Variants in EHBP1 observed in about 807,000 individuals in gnomAD.
EHBP1 encodes EH domain binding protein 1.
In EHBP1, 55 loss-of-function variants were observed where a neutral mutation model predicts 144.0. The ratio of observed to expected loss-of-function variants is 0.38; its 90% confidence interval spans 0.31 to 0.48. The LOEUF (loss-of-function observed/expected upper bound fraction) is 0.48, where lower values mean the gene tolerates loss of function less well. Ranked by LOEUF, EHBP1 falls within the 20% of genes least tolerant of loss-of-function variation. The pLI, the probability that EHBP1 is intolerant of heterozygous loss-of-function variation, is 0.98. For missense variants in EHBP1, 1,200 were observed against 1,364.2 expected (o/e 0.88, Z 1.90); for synonymous variants, 469 against 472.7 (o/e 0.99, Z 0.10).
At chr2:62,729,280 GATTTTGCACATATAAT>G (rs2037152200) in intron 2 of EHBP1, among the ~76,000 whole-genome samples, 1 of 130,892 alleles carries the variant, frequency 7.6e-6, no homozygotes, top group Admixed American at 9.0e-5. Context: ...TGGTCATTTA[GATTTTGCACATATAAT>G]ATTTTATAAT....
chr2:62,801,053 T>C (rs1482679945), intron 5 of EHBP1, among the ~76,000 whole-genome samples: 1 of 152,228 alleles, frequency 6.6e-6, no homozygotes, highest in African/African-American at 2.4e-5. Flanking sequence ...TATATCCTGT[T>C]TATTCAAAGG....
intron 14 of EHBP1, among the ~76,000 whole-genome samples, chr2:62,965,188 GC>G (rs1382536972): frequency 2.6e-5 from 4 of 152,072 alleles, no homozygotes; most frequent in Admixed American, 2.6e-4. Flanking sequence ...GCAAAAATGA[GC>G]CCTTTGAAAC....
At chr2:62,772,895 T>C (rs2041776874) in intron 5 of EHBP1, among the ~76,000 whole-genome samples, 1 of 152,212 alleles carries the variant, frequency 6.6e-6, no homozygotes, top group Non-Finnish European at 1.5e-5. Context: ...TGTTTAGGAC[T>C]AAAGAGCTGA....
chr2:63,021,833 A>C (rs2710644), intron 19 of EHBP1, among the ~76,000 whole-genome samples: 111,025 of 151,584 alleles, frequency 0.73, 41,350 homozygotes, highest in African/African-American at 0.88. Flanking sequence ...GTGGCTCGAT[A>C]TCTGCTCACT....
intron 11 of EHBP1, among the ~76,000 whole-genome samples, chr2:62,943,552 T>C (rs2056898064): frequency 6.6e-6 from 1 of 152,186 alleles, no homozygotes; most frequent in Non-Finnish European, 1.5e-5. Context: ...GGCTAGTCTT[T>C]GGTCCCCTGC....
At chr2:62,801,794 A>G (rs896550928) in intron 5 of EHBP1, among the ~76,000 whole-genome samples, 12 of 152,206 alleles carry the variant, frequency 7.9e-5, no homozygotes, top group Non-Finnish European at 1.8e-4. Flanking sequence ...CTAGAGACCA[A>G]TTTCACTCAT....
At position 62,955,830 on chromosome 2, in the gene EHBP1, T is replaced by A. The variant is rs17027529; in HGVS notation, c.2460+170T>A. 0.013 allele frequency: 7,794 copies of A among 596,332 alleles called. 508 individuals are homozygous for A. The African/African-American group carries it at 0.13, about 10-fold the overall frequency. 36.9% of individuals were successfully genotyped at this position (596,332 alleles called of 1,614,324 possible). On this transcript the variant is annotated intron_variant, in intron 14 of 22. Coordinates refer to ENST00000431489, the MANE Select transcript of EHBP1 (RefSeq NM_001142616.3). ...ATAAATTCATACTTGTAGGACCATT[T>A]GATCATTATTCCTACAGAGCAGTGT... is the stretch of plus-strand genomic sequence containing the variant.
At chr2:62,681,200 C>G (rs911687027) in intron 1 of EHBP1, among the ~76,000 whole-genome samples, 1 of 150,722 alleles carries the variant, frequency 6.6e-6, no homozygotes, top group East Asian at 2.0e-4. Context: ...GTAATCCCAG[C>G]TACTCGGAGG....
chr2:62,830,981 T>G (rs769277552), intron 6 of EHBP1, 38 bp from the exon 7 acceptor site: 1 of 1,588,232 alleles, frequency 6.3e-7, no homozygotes, highest in South Asian at 1.2e-5. Flanking sequence ...CTAACTGTCA[T>G]TTAGTACAAT....
At chr2:62,830,151 TAGACACAC>T (rs1489388193) in intron 6 of EHBP1, among the ~76,000 whole-genome samples, 2 of 64,810 alleles carry the variant, frequency 3.1e-5, no homozygotes, top group African/African-American at 1.0e-4. Flanking sequence ...TATATATATA[TAGACACAC>T]ACACACACAC....
chr2:62,872,987 A>G (rs1482262561), intron 9 of EHBP1, among the ~76,000 whole-genome samples: 2 of 152,216 alleles, frequency 1.3e-5, no homozygotes, highest in Non-Finnish European at 2.9e-5. Flanking sequence ...TAGTGGTGCC[A>G]GCACACTGTT....
intron 19 of EHBP1, among the ~76,000 whole-genome samples, chr2:63,029,203 C>G (rs2061123832): frequency 6.6e-6 from 1 of 151,680 alleles, no homozygotes; most frequent in African/African-American, 2.4e-5. Flanking sequence ...CTATGGCTAT[C>G]TTTTGTAGGC....
chr2:62,892,868 A>G (rs2052577348), intron 10 of EHBP1, among the ~76,000 whole-genome samples: 1 of 152,158 alleles, frequency 6.6e-6, no homozygotes, highest in Non-Finnish European at 1.5e-5. Context: ...TATTAATTAT[A>G]TTTGAAGCAT....
chr2:62,821,863 G>A (rs1016064749), intron 5 of EHBP1, among the ~76,000 whole-genome samples: 2 of 151,926 alleles, frequency 1.3e-5, no homozygotes, highest in African/African-American at 4.8e-5. Context: ...TGGATACATA[G>A]GTGTATATGT....
At chr2:62,974,499 T>C (rs17473742) in intron 14 of EHBP1, among the ~76,000 whole-genome samples, 1,927 of 152,318 alleles carry the variant, frequency 0.013, 30 homozygotes, top group Non-Finnish European at 0.02. Flanking sequence ...AATCTCTTTC[T>C]ATGCATATGT....
intron 2 of EHBP1, among the ~76,000 whole-genome samples, chr2:62,733,727 G>T (rs906144848): frequency 2.6e-5 from 4 of 152,212 alleles, no homozygotes; most frequent in Non-Finnish European, 5.9e-5. Flanking sequence ...TATCCAGTCT[G>T]CACTGTGAGA....
At chr2:62,812,396 G>A (rs1333380277) in intron 5 of EHBP1, among the ~76,000 whole-genome samples, 1 of 152,176 alleles carries the variant, frequency 6.6e-6, no homozygotes, top group African/African-American at 2.4e-5. Context: ...GGTAGAGGCT[G>A]GAAGAATTTG....
intron 1 of EHBP1, among the ~76,000 whole-genome samples, chr2:62,680,922 C>A (rs897783533): frequency 6.6e-6 from 1 of 152,182 alleles, no homozygotes; most frequent in Admixed American, 6.6e-5. Context: ...AGCATGGTAG[C>A]TTTCCTACCC....
intron 21 of EHBP1, chr2:63,044,784 T>G: frequency 2.0e-5 from 5 of 246,864 alleles, no homozygotes; most frequent in East Asian, 7.8e-5. Context: ...TTTGGCTGGA[T>G]TCAGGTGCGC....
Sources: allele counts gnomAD v4.1 joint callset (sites outside exome capture counted in the v4.1 genomes callset), GRCh38; gene constraint gnomAD v4.1.1; transcripts MANE v1.5; gene names NCBI Gene and HGNC (gene_info 2026-07-23, HGNC 2026-07-21).